KLHL6: variants seen among roughly 807,000 people sequenced by gnomAD.
KLHL6 encodes kelch like family member 6.
A neutral mutation model predicts 58.6 loss-of-function variants in KLHL6; 41 were observed. The ratio of observed to expected loss-of-function variants is 0.70; its 90% CI spans 0.55 to 0.91. The LOEUF (loss-of-function observed/expected upper bound fraction) is 0.91, where lower values mean the gene tolerates loss of function less well. Ranked by LOEUF, KLHL6 falls within the 40% of genes least tolerant of loss-of-function variation. The probability of loss-of-function intolerance (pLI) is 0.00; values close to 1 mark genes in which losing one functional copy is unlikely to be tolerated. For synonymous variants in KLHL6, 338 were observed against 322.7 expected (o/e 1.05, Z -0.51); for missense variants, 714 against 805.6 (o/e 0.89, Z 1.38).
intron 1 of KLHL6, among the ~76,000 whole-genome samples, chr3:183,546,989 G>C (rs1712742498): frequency 6.8e-6 from 1 of 148,054 alleles, no homozygotes; most frequent in African/African-American, 2.5e-5. Context: ...GCAGCTCTCT[G>C]CAACCTCCGC....
chr3:183,488,918 G>A lies in KLHL6; in HGVS notation c.*3009C>T, dbSNP rs1275424817. On this transcript the variant is annotated 3_prime_UTR_variant, in exon 7 of 7. Transcript: ENST00000341319. The stretch of plus-strand genomic sequence containing the variant: ...ATTATTAGGAATCCCTATTTCTTGA[G>A]TGTCAGCTACATGACATTTTCCACA... The A allele has an allele frequency of 1.3e-5, 2 of 152,166 alleles. No homozygotes were observed. Among genetic ancestry groups the A allele is most frequent in the Non-Finnish European group, 2.9e-5 (2 of 68,040 alleles). 9.4% of individuals were successfully genotyped at this position (152,166 alleles called of 1,614,324 possible).
At chr3:183,542,375 T>C (rs1435423341) in intron 1 of KLHL6, among the ~76,000 whole-genome samples, 1 of 152,198 alleles carries the variant, frequency 6.6e-6, no homozygotes, top group Non-Finnish European at 1.5e-5. Flanking sequence ...TCTCTCAGCC[T>C]TATTGGCCTG....
intron 4 of KLHL6, among the ~76,000 whole-genome samples, chr3:183,498,771 T>A (rs1459880183): frequency 1.3e-5 from 2 of 152,146 alleles, no homozygotes; most frequent in African/African-American, 4.8e-5. Context: ...CTCATGGAAC[T>A]CCAGGTCTAA....
At chr3:183,544,749 AACACACACACACACACACACAC>A (rs36060782) in intron 1 of KLHL6, 4 of 114,714 alleles carry the variant, frequency 3.5e-5, no homozygotes, top group African/African-American at 6.7e-5. Context: ...CTGTCTCTCA[AACACACACACACACACACACAC>A]ACACACACAC....
intron 1 of KLHL6, among the ~76,000 whole-genome samples, chr3:183,538,247 C>A (rs1431616425): frequency 6.6e-6 from 1 of 152,178 alleles, no homozygotes; most frequent in East Asian, 1.9e-4. Flanking sequence ...GAATATTTCA[C>A]CCAGCCCGAC....
intron 3 of KLHL6, among the ~76,000 whole-genome samples, chr3:183,505,921 G>C (rs536508613): frequency 6.6e-6 from 1 of 152,286 alleles, no homozygotes; most frequent in African/African-American, 2.4e-5. Flanking sequence ...GAAAACACCA[G>C]GCTCTGGTAA....
Position 183,555,342 on chromosome 3 carries a change from T to C in KLHL6, c.293+19A>G, listed in dbSNP as rs1713070859. On this transcript the variant is annotated intron_variant, in intron 1 of 6. Coordinates refer to ENST00000341319, the MANE Select transcript of KLHL6 (RefSeq NM_130446.4). ...TTGCAACTTGCACCCAATTTGACTC[T>C]GGTCCTAGGCATGCTGACCTGAAAT... 1.2e-6 allele frequency: 2 copies of C among 1,609,356 alleles called. No homozygotes were observed. Among genetic ancestry groups the C allele is most frequent in the South Asian group, 2.2e-5 (2 of 90,704 alleles).
intron 2 of KLHL6, among the ~76,000 whole-genome samples, chr3:183,527,085 C>A (rs7618703): frequency 2.0e-5 from 3 of 149,870 alleles, no homozygotes; most frequent in African/African-American, 7.4e-5. Flanking sequence ...GGCGTCACAG[C>A]GAGACTCTCT....
chr3:183,496,964 C>T (rs1180750367), intron 4 of KLHL6, among the ~76,000 whole-genome samples: 1 of 152,086 alleles, frequency 6.6e-6, no homozygotes, highest in Non-Finnish European at 1.5e-5. Flanking sequence ...ATGGTGAAAC[C>T]CTGTCTCTAC....
Position 183,525,267 on chromosome 3 carries a change from A to ACACACAC in KLHL6, c.459+2577_459+2578insGTGTGTG, listed in dbSNP as rs1553811023. ...CAACAGAGTGAGACTCTCTAAAAAA[A>ACACACAC]AAACACACACACACACACACACACA... On this transcript the variant is annotated intron_variant, in intron 2 of 6. Transcript: ENST00000341319. 1.8e-3 allele frequency among the ~76,000 whole-genome samples: 232 copies of ACACACAC among 125,718 alleles called. 1 individual carries two copies. Among genetic ancestry groups the ACACACAC allele is most frequent in the African/African-American group, 3.3e-3 (109 of 33,204 alleles). The allele number at this position is 125,718 out of a possible 152,430, so 82.5% of individuals were successfully genotyped here. A position where few individuals can be genotyped will look rare whatever the true frequency, so the allele number is the denominator to read the frequency against.
chr3:183,512,197 T>A (rs1395742062), intron 2 of KLHL6, among the ~76,000 whole-genome samples: 2 of 152,154 alleles, frequency 1.3e-5, no homozygotes, highest in Non-Finnish European at 2.9e-5. Context: ...GAAACTCACT[T>A]AAATGGTAGC....
At position 183,508,445 on chromosome 3, in the gene KLHL6, C is replaced by T. The variant is rs139840151; in HGVS notation, c.523G>A (p.Val175Ile). ...LTEALNPENC[V>I]GILRLADTHS... ...GTGTCAGCCAGCCTCAGTATTCCAA[C>T]GCAGTTTTCTGGGTTCAAGGCTTCA... Residue 175 changes from valine to isoleucine, a missense_variant, in exon 3 of 7, where the codon GTT becomes ATT. Transcript: ENST00000341319. 5.3e-5 allele frequency: 85 copies of T among 1,614,172 alleles called. No individual in the cohort carries two copies. The highest frequency in any genetic ancestry group is 4.0e-4 in the East Asian group (18 of 44,892).
intron 1 of KLHL6, among the ~76,000 whole-genome samples, chr3:183,534,167 C>CTTTTACTTTTAAAGTACTTTAAAAGTA (rs1560107136): frequency 6.6e-5 from 1 of 15,070 alleles, no homozygotes; most frequent in African/African-American, 2.8e-4. Flanking sequence ...CTTTAAAAGA[C>CTTTTACTTTTAAAGTACTTTAAAAGTA]ATTACTTTAA....
intron 1 of KLHL6, among the ~76,000 whole-genome samples, chr3:183,543,577 G>A (rs1051958586): frequency 3.3e-5 from 5 of 151,982 alleles, no homozygotes; most frequent in Admixed American, 1.3e-4. Context: ...TGTTGCGTTC[G>A]CTATACACAA....
rs1247284504 is a variant in KLHL6 at position 183,490,544 on chromosome 3, C to T, written c.*1383G>A. On this transcript the variant is annotated 3_prime_UTR_variant, in exon 7 of 7. Transcript: ENST00000341319. ...AAAAAAGACCGGGCCCAGTGGCTCA[C>T]ACCTGTAATCCCAGCACTTCGGGAG... The T allele has an allele frequency of 1.3e-5, 2 of 151,954 alleles. No homozygotes were observed. Among genetic ancestry groups the T allele is most frequent in the Non-Finnish European group, 2.9e-5 (2 of 68,008 alleles). 9.4% of individuals were successfully genotyped at this position (151,954 alleles called of 1,614,324 possible).
At chr3:183,508,709 T>C (rs1353553360) in intron 2 of KLHL6, among the ~76,000 whole-genome samples, 1 of 152,210 alleles carries the variant, frequency 6.6e-6, no homozygotes. Context: ...ATACATATAA[T>C]TCATTCATAC....
At chr3:183,533,154 C>G (rs565590745) in intron 1 of KLHL6, among the ~76,000 whole-genome samples, 14 of 152,230 alleles carry the variant, frequency 9.2e-5, no homozygotes, top group African/African-American at 2.9e-4. Context: ...TCCAAACGCT[C>G]GGACTTCCAT....
chr3:183,514,445 T>C (rs1711507298), intron 2 of KLHL6, among the ~76,000 whole-genome samples: 1 of 152,124 alleles, frequency 6.6e-6, no homozygotes. Context: ...TCTCTCGGCC[T>C]GAGCTGCCTT....
rs770743692 is a variant in KLHL6, at chr3:183,492,687, A to G, written c.1371T>C (p.His457=). 2 of 1,613,648 alleles carry G rather than the reference A, an allele frequency of 1.2e-6. No homozygotes were observed. Among genetic ancestry groups the G allele is most frequent in the African/African-American group, 2.7e-5 (2 of 75,042 alleles). Residue 457 remains histidine, a synonymous_variant, in exon 6 of 7, where the codon CAT becomes CAC. Coordinates refer to ENST00000341319, the MANE Select transcript of KLHL6 (RefSeq NM_130446.4). This position sits in a 1 kb window ranked among gnomAD's most constrained non-coding sequence, Gnocchi z 5.9. The part of the protein sequence containing the change: ...CWSEAAPLLV[H]VSSFAATSHK... ...GGCTGGTGGCTGCAAAGGAACTGAC[A>G]TGGACAAGGAGGGGTGCGGCCTGTA...
Sources: gnomAD v4.1 joint callset for allele counts (sites outside exome capture counted in the v4.1 genomes callset) on GRCh38, gnomAD v4.1.1 for gene constraint, Gnocchi (gnomAD v3.1) non-coding constraint, MANE v1.5 for transcripts, NCBI Gene and HGNC (gene_info 2026-07-23, HGNC 2026-07-21) for gene names.